Variants in FRMPD4 observed in about 807,000 individuals in gnomAD.
FRMPD4 encodes the protein FERM and PDZ domain containing 4.
In FRMPD4, 22 loss-of-function variants were observed where a neutral mutation model predicts 94.1. The ratio of observed to expected loss-of-function variants is 0.23; its 90% CI spans 0.17 to 0.33. FRMPD4 has a LOEUF of 0.33. Ranked by LOEUF, FRMPD4 falls within the 10% of genes least tolerant of loss-of-function variation. FRMPD4 has a pLI of 1.00. For missense variants in FRMPD4, 1,111 were observed against 1,339.9 expected, an observed-to-expected ratio of 0.83 and a Z score of 2.67; for synonymous variants, 631 against 548.6, an observed-to-expected ratio of 1.15 and a Z score of -2.10.
chrX:12,447,330 A>ACC (rs201539718), intron 1 of FRMPD4, among the ~76,000 whole-genome samples: 1 of 110,969 alleles, frequency 9.0e-6, no homozygotes, highest in African/African-American at 3.3e-5. Flanking sequence ...ACTGCTTTTC[A>ACC]CCCCCCAGTT....
intron 1 of FRMPD4, among the ~76,000 whole-genome samples, chrX:11,847,546 G>C (rs984160047): frequency 9.2e-6 from 1 of 108,128 alleles, no homozygotes; most frequent in Non-Finnish European, 1.9e-5. Context: ...ATACCCAAAG[G>C]ACTATAAATC....
intron 2 of FRMPD4, among the ~76,000 whole-genome samples, chrX:12,544,445 C>A (rs1347841444): frequency 2.7e-5 from 3 of 111,525 alleles, no homozygotes; most frequent in Admixed American, 1.9e-4. Flanking sequence ...TGTGCAGATG[C>A]CTTAACCAGG....
At chrX:12,616,150 C>T (rs2059234455) in intron 4 of FRMPD4, among the ~76,000 whole-genome samples, 1 of 111,429 alleles carries the variant, frequency 9.0e-6, no homozygotes, top group Non-Finnish European at 1.9e-5. Context: ...GAACCTGATA[C>T]CCAGTGTGAT....
chrX:12,715,925 T>C, intron 14 of FRMPD4, 144 bp from the exon 15 acceptor site: 1 of 405,078 alleles, frequency 2.5e-6, no homozygotes, highest in South Asian at 6.6e-5. Flanking sequence ...CAATAAGTAC[T>C]ATATTTGGGT....
At chrX:12,463,681 G>GTGTTTTTTTTTTTTTT (rs1555969426) in intron 1 of FRMPD4, among the ~76,000 whole-genome samples, 1 of 51,044 alleles carries the variant, frequency 2.0e-5, no homozygotes, top group African/African-American at 8.6e-5. Context: ...CTATGTGTGT[G>GTGTTTTTTTTTTTTTT]TTTTTTTTTT....
intron 1 of FRMPD4, among the ~76,000 whole-genome samples, chrX:12,488,322 T>A (rs188978213): frequency 8.9e-6 from 1 of 112,299 alleles, no homozygotes; most frequent in Admixed American, 9.4e-5. Flanking sequence ...TCATACCACT[T>A]GATAGTAAAG....
chrX:12,677,612 C>T (rs766914911), intron 5 of FRMPD4, among the ~76,000 whole-genome samples: 2 of 112,187 alleles, frequency 1.8e-5, no homozygotes, highest in African/African-American at 6.5e-5. Flanking sequence ...TTATTACAGA[C>T]AATAAAAATT....
chrX:12,086,076 TGC>T (rs747116748), intron 3 of FRMPD4, among the ~76,000 whole-genome samples: 39,759 of 106,463 alleles, frequency 0.37, 5,457 homozygotes, highest in Middle Eastern at 0.46. Flanking sequence ...TGTGTCTGTG[TGC>T]GTGTGTGTGT....
At chrX:12,379,413 G>A (rs1450440404) in intron 1 of FRMPD4, among the ~76,000 whole-genome samples, 1 of 111,745 alleles carries the variant, frequency 8.9e-6, no homozygotes, top group African/African-American at 3.3e-5. Context: ...CTGAAGTGCA[G>A]TTATGTGGAC....
At chrX:12,417,146 C>T (rs1569267901) in intron 1 of FRMPD4, among the ~76,000 whole-genome samples, 1 of 111,452 alleles carries the variant, frequency 9.0e-6, no homozygotes, top group Non-Finnish European at 1.9e-5. Flanking sequence ...TCTGCCATCC[C>T]ATCAGCCTAT....
At chrX:11,863,961 A>T (rs1296272495) in intron 1 of FRMPD4, among the ~76,000 whole-genome samples, 1 of 111,738 alleles carries the variant, frequency 8.9e-6, no homozygotes, top group Admixed American at 9.5e-5. Flanking sequence ...TGAAGCTTGT[A>T]TGTTGTTTGC....
At chrX:12,090,664 C>G (rs987369684) in intron 3 of FRMPD4, among the ~76,000 whole-genome samples, 14 of 111,134 alleles carry the variant, frequency 1.3e-4, no homozygotes, top group African/African-American at 4.6e-4. Context: ...GGAAGCCCTT[C>G]CTTTATAAGA....
intron 3 of FRMPD4, among the ~76,000 whole-genome samples, chrX:12,129,258 G>A (rs767899029): frequency 8.9e-6 from 1 of 111,864 alleles, no homozygotes; most frequent in Non-Finnish European, 1.9e-5. Context: ...ATTCTGCATG[G>A]TTGGGGAGGC....
At chrX:11,825,757 A>G (rs1289293472) in intron 1 of FRMPD4, among the ~76,000 whole-genome samples, 2 of 112,103 alleles carry the variant, frequency 1.8e-5, no homozygotes, top group African/African-American at 6.5e-5. Flanking sequence ...CATTTTGACA[A>G]TGTGCTACAG....
At chrX:12,327,263 G>A (rs1747896979) in intron 1 of FRMPD4, among the ~76,000 whole-genome samples, 1 of 112,350 alleles carries the variant, frequency 8.9e-6, no homozygotes, top group Non-Finnish European at 1.9e-5. Flanking sequence ...CTAGAGATTG[G>A]GAAACAAACT....
intron 1 of FRMPD4, among the ~76,000 whole-genome samples, chrX:12,215,201 T>C (rs2056794672): frequency 9.0e-6 from 1 of 111,668 alleles, no homozygotes; most frequent in Non-Finnish European, 1.9e-5. Flanking sequence ...CAAGGTTTTT[T>C]TGAGAGGCAT....
intron 3 of FRMPD4, among the ~76,000 whole-genome samples, chrX:12,613,453 T>C (rs933412091): frequency 3.6e-5 from 4 of 112,669 alleles, no homozygotes; most frequent in Non-Finnish European, 7.5e-5. Flanking sequence ...GGCATTATAG[T>C]ATTCAGTGAA....
chrX:12,481,954 A>AAAAATAAAAAT, intron 1 of FRMPD4, among the ~76,000 whole-genome samples: 1 of 94,049 alleles, frequency 1.1e-5, no homozygotes, highest in Non-Finnish European at 2.1e-5. Flanking sequence ...AAAAAAAAAA[A>AAAAATAAAAAT]AAAAAAAAAA....
At chrX:12,433,992 G>A (rs765878991) in intron 1 of FRMPD4, among the ~76,000 whole-genome samples, 3 of 111,466 alleles carry the variant, frequency 2.7e-5, no homozygotes, top group Non-Finnish European at 5.7e-5. Context: ...GATAAAATAC[G>A]TATTGTGTTC....
Sources: gnomAD v4.1 joint callset for allele counts (sites outside exome capture counted in the v4.1 genomes callset) on GRCh38, gnomAD v4.1.1 for gene constraint, MANE v1.5 for transcripts, NCBI Gene and HGNC (gene_info 2026-07-23, HGNC 2026-07-21) for gene names.